The following CPQ variants were observed in gnomAD, a reference collection of about 807,000 sequenced individuals.
CPQ encodes the protein carboxypeptidase Q, also known as Ser-Met dipeptidase.
CPQ carries 37 observed loss-of-function variants against 45.7 expected under a neutral mutation model. The observed-to-expected ratio is 0.81, with a 90% confidence interval of 0.62 to 1.07. The LOEUF (loss-of-function observed/expected upper bound fraction) is 1.07, where lower values mean the gene tolerates loss of function less well. Among genes scored for constraint, CPQ ranks in the 50% least tolerant of loss-of-function variants. The pLI is 0.00. For synonymous variants in CPQ, 186 were observed against 205.8 expected (o/e 0.90, Z 0.82); for missense variants, 537 against 572.9 (o/e 0.94, Z 0.64).
At chr8:97,067,243 A>G (rs1480206208) in intron 7 of CPQ, among the ~76,000 whole-genome samples, 2 of 152,112 alleles carry the variant, frequency 1.3e-5, no homozygotes, top group African/African-American at 4.8e-5. Flanking sequence ...ACAGTCTTAA[A>G]GAAGACAAAT....
chr8:97,040,756 C>T (rs1810106265), intron 6 of CPQ, among the ~76,000 whole-genome samples: 1 of 152,144 alleles, frequency 6.6e-6, no homozygotes, highest in Non-Finnish European at 1.5e-5. Context: ...TTCCCCATTG[C>T]TTGTTTTTCT....
intron 3 of CPQ, among the ~76,000 whole-genome samples, chr8:96,836,088 A>G (rs1020813080): frequency 6.6e-6 from 1 of 152,236 alleles, no homozygotes; most frequent in African/African-American, 2.4e-5. Context: ...TTAGTGTGAT[A>G]GCCTGGCCTA....
chr8:96,975,228 C>T (rs748706377), intron 5 of CPQ, among the ~76,000 whole-genome samples: 18 of 152,004 alleles, frequency 1.2e-4, no homozygotes, highest in Non-Finnish European at 2.1e-4. Flanking sequence ...CCTTTACACA[C>T]ATAAACTAGA....
intron 4 of CPQ, among the ~76,000 whole-genome samples, chr8:96,903,488 T>C (rs1019138131): frequency 1.3e-5 from 2 of 152,216 alleles, no homozygotes; most frequent in Admixed American, 6.5e-5. Flanking sequence ...AACTCCCTGA[T>C]CAGGCTGATT....
At chr8:97,014,863 G>A (rs1188525185) in intron 5 of CPQ, among the ~76,000 whole-genome samples, 1 of 151,836 alleles carries the variant, frequency 6.6e-6, no homozygotes, top group African/African-American at 2.4e-5. Context: ...TCATAAAAAG[G>A]AGCATGATAA....
chr8:96,770,506 G>C (rs1810526362), intron 1 of CPQ, among the ~76,000 whole-genome samples: 1 of 151,902 alleles, frequency 6.6e-6, no homozygotes, highest in Non-Finnish European at 1.5e-5. Flanking sequence ...TTGAAATGAA[G>C]CTTCCTTATC....
chr8:97,000,686 T>A (rs1336290239), intron 5 of CPQ, among the ~76,000 whole-genome samples: 1 of 152,162 alleles, frequency 6.6e-6, no homozygotes, highest in Non-Finnish European at 1.5e-5. Flanking sequence ...GCCTCCAGCT[T>A]TGTTCTTTTT....
intron 5 of CPQ, among the ~76,000 whole-genome samples, chr8:97,007,211 T>C (rs1809399562): frequency 6.6e-6 from 1 of 152,196 alleles, no homozygotes; most frequent in Non-Finnish European, 1.5e-5. Context: ...GACATACTCC[T>C]CTATTTCATT....
chr8:96,894,248 C>A (rs151273105), intron 4 of CPQ, among the ~76,000 whole-genome samples: 126 of 152,306 alleles, frequency 8.3e-4, no homozygotes, highest in Non-Finnish European at 1.1e-3. Context: ...CCAGCTATGC[C>A]ACTCCCAGAT....
intron 4 of CPQ, among the ~76,000 whole-genome samples, chr8:96,950,412 T>G (rs1813243874): frequency 6.6e-6 from 1 of 152,128 alleles, no homozygotes; most frequent in African/African-American, 2.4e-5. Flanking sequence ...TGCCAGGCCT[T>G]GTGAGGAATA....
At position 97,129,946 on chromosome 8, in the gene CPQ, C is replaced by T. The variant is rs539607870; in HGVS notation, c.1256-13074C>T. ...TGGTGCCCTTTCCAAAATCCTTCTA[C>T]GCAAGTCCTGCTGCACTAGTCGCTG... On this transcript the variant is annotated intron_variant, in intron 7 of 7. Coordinates refer to ENST00000220763, the MANE Select transcript of CPQ (RefSeq NM_016134.4). 2.6e-5 allele frequency among the ~76,000 whole-genome samples: 4 copies of T among 152,250 alleles called. No homozygotes were observed. In the East Asian group the frequency reaches 7.7e-4, roughly 29 times the overall value.
At chr8:96,947,497 A>C (rs1252824922) in intron 4 of CPQ, among the ~76,000 whole-genome samples, 3 of 152,088 alleles carry the variant, frequency 2.0e-5, no homozygotes, top group Non-Finnish European at 4.4e-5. Flanking sequence ...AGGAAGTGTG[A>C]TGTTTCCAGC....
intron 1 of CPQ, among the ~76,000 whole-genome samples, chr8:96,718,963 C>G (rs559967725): frequency 3.1e-4 from 47 of 152,364 alleles, no homozygotes; most frequent in African/African-American, 1.1e-3. Flanking sequence ...TTTACAATCC[C>G]TGAGCTAGAC....
At chr8:96,748,836 C>T (rs961196965) in intron 1 of CPQ, among the ~76,000 whole-genome samples, 4 of 152,072 alleles carry the variant, frequency 2.6e-5, no homozygotes, top group South Asian at 2.1e-4. Flanking sequence ...TTTTTGTGAA[C>T]GCTGTTAGGT....
chr8:96,785,153 A>G lies in CPQ; in HGVS notation c.256A>G (p.Lys86Glu). Residue 86 changes from lysine to glutamate, a missense_variant, in exon 2 of 8, where the codon AAA (lysine) becomes GAA (glutamate). Coordinates refer to ENST00000220763, the MANE Select transcript of CPQ (RefSeq NM_016134.4). ...PRLSGSKNLE[K>E]AIQIMYQNLQ... ...ACTGAGTGGCTCCAAGAACCTAGAA[A>G]AAGCCATCCAAATTATGTACCAAAA... 1 of 1,613,666 alleles carries G rather than the reference A, an allele frequency of 6.2e-7. No homozygotes were observed. The highest frequency in any genetic ancestry group is 1.3e-5 in the African/African-American group (1 of 74,998).
chr8:96,748,489 G>C (rs760395896), intron 1 of CPQ, among the ~76,000 whole-genome samples: 13 of 151,390 alleles, frequency 8.6e-5, no homozygotes, highest in Non-Finnish European at 1.8e-4. Context: ...TTCATTGTAC[G>C]ATCTGGTACA....
intron 2 of CPQ, among the ~76,000 whole-genome samples, chr8:96,824,953 A>G (rs1286736975): frequency 6.6e-6 from 1 of 152,050 alleles, no homozygotes; most frequent in Non-Finnish European, 1.5e-5. Flanking sequence ...ATTGTGCTAC[A>G]AATTGTGACA....
rs1586409153 is a variant in CPQ at position 96,808,971 on chromosome 8, G to A, written c.433+23641G>A. ...ACTGTTTTACAGGGTTGCTATAAGGGTAAGATAAGATCATGCACATGAATG... is the reference window on the plus strand; with the variant it reads ...ACTGTTTTACAGGGTTGCTATAAGGATAAGATAAGATCATGCACATGAATG... On this transcript the variant is annotated intron_variant, in intron 2 of 7. Transcript: ENST00000220763. Among the ~76,000 whole-genome samples, 4 of 152,250 alleles carry A rather than the reference G, an allele frequency of 2.6e-5. No homozygotes were observed. In the South Asian group the frequency reaches 8.3e-4, roughly 32 times the overall value.
chr8:96,682,216 G>A, intron 1 of CPQ, among the ~76,000 whole-genome samples: 1 of 152,278 alleles, frequency 6.6e-6, no homozygotes, highest in South Asian at 2.1e-4. Flanking sequence ...ATCTCATGTT[G>A]AATTCTCATG....
Sources: gnomAD v4.1 joint callset for allele counts (sites outside exome capture counted in the v4.1 genomes callset) on GRCh38, gnomAD v4.1.1 for gene constraint, MANE v1.5 for transcripts, NCBI Gene and HGNC (gene_info 2026-07-23, HGNC 2026-07-21) for gene names.